FRAS1: variants seen among roughly 807,000 people sequenced by gnomAD.
FRAS1 encodes the protein Fraser extracellular matrix complex subunit 1, also known as extracellular matrix organizing protein FRAS1.
A neutral mutation model predicts 435.2 loss-of-function variants in FRAS1; 290 were observed. That is an observed-to-expected ratio of 0.67 (90% CI 0.61 to 0.73). The LOEUF (loss-of-function observed/expected upper bound fraction) is 0.73, where lower values mean the gene tolerates loss of function less well. Ranked by LOEUF, FRAS1 falls within the 30% of genes least tolerant of loss-of-function variation. The pLI is 0.00. For missense variants in FRAS1, 4,860 were observed against 5,001.5 expected, an observed-to-expected ratio of 0.97 and a Z score of 0.85; for synonymous variants, 1,800 against 1,851.0, an observed-to-expected ratio of 0.97 and a Z score of 0.71.
Position 78,118,956 on chromosome 4 carries a change from G to C in FRAS1, c.108+52940G>C, listed in dbSNP as rs183580847. On this transcript the variant is annotated intron_variant, in intron 2 of 73. Transcript: ENST00000512123. The stretch of plus-strand genomic sequence containing the variant: ...GGAGCTGTTCCTATTCAGCCATCTT[G>C]GCTCCACCACCTTATTTATTTTTTA... Among the ~76,000 whole-genome samples the C allele has an allele frequency of 2.6e-5, 4 of 152,210 alleles. No homozygotes were observed. In the East Asian group the frequency reaches 7.7e-4, roughly 29 times the overall value.
At chr4:78,183,732 T>TTGTG (rs3974339) in intron 2 of FRAS1, among the ~76,000 whole-genome samples, 12,730 of 136,836 alleles carry the variant, frequency 0.093, 637 homozygotes, top group African/African-American at 0.14. Context: ...TTCATTCTCT[T>TTGTG]TGTGTGTGTG....
intron 28 of FRAS1, among the ~76,000 whole-genome samples, chr4:78,385,172 A>G (rs904063576): frequency 1.3e-5 from 2 of 152,172 alleles, no homozygotes; most frequent in African/African-American, 2.4e-5. Context: ...TCCAGAATAC[A>G]TATAGTTGTA....
At chr4:78,188,716 AG>A (rs1722397029) in intron 2 of FRAS1, among the ~76,000 whole-genome samples, 1 of 152,206 alleles carries the variant, frequency 6.6e-6, no homozygotes, top group African/African-American at 2.4e-5. Context: ...CCATCACATA[AG>A]GGTTTTTGCA....
intron 2 of FRAS1, among the ~76,000 whole-genome samples, chr4:78,118,215 C>A (rs1051595976): frequency 6.6e-6 from 1 of 152,180 alleles, no homozygotes; most frequent in Non-Finnish European, 1.5e-5. Flanking sequence ...GAGTACCCGG[C>A]CATGTGAGGT....
rs1283565162 is a variant in FRAS1 at position 78,317,547 on chromosome 4, C to T, written c.1960+39C>T. 3.8e-6 allele frequency: 6 copies of T among 1,569,104 alleles called. No homozygotes were observed. The South Asian group carries it at 7.2e-5, about 19-fold the overall frequency. ...CACCATCATTCTTGAGAGGCTATCC[C>T]ACAAGAACATAGATTTACTTTTTTC... On this transcript the variant is annotated intron_variant, in intron 17 of 73. Transcript: ENST00000512123.
intron 6 of FRAS1, among the ~76,000 whole-genome samples, chr4:78,260,510 T>C (rs1050035827): frequency 9.2e-5 from 14 of 151,592 alleles, no homozygotes; most frequent in African/African-American, 3.4e-4. Context: ...TGTTTGTCTG[T>C]TGTTGGTGTA....
intron 2 of FRAS1, among the ~76,000 whole-genome samples, chr4:78,210,436 A>C (rs1157518069): frequency 3.3e-5 from 5 of 152,226 alleles, no homozygotes; most frequent in Non-Finnish European, 7.3e-5. Flanking sequence ...TATCACTTGG[A>C]GTCTCAGCAC....
intron 64 of FRAS1, 108 bp downstream of exon 64, chr4:78,511,614 G>T: frequency 1.1e-6 from 1 of 904,502 alleles, no homozygotes. Flanking sequence ...TGATAAAAAT[G>T]TGATGATGAA....
chr4:78,195,975 C>T (rs1457350024), intron 2 of FRAS1, among the ~76,000 whole-genome samples: 1 of 149,658 alleles, frequency 6.7e-6, no homozygotes, highest in Non-Finnish European at 1.5e-5. Context: ...TTTTTTTTAA[C>T]CTGAAGGCAG....
chr4:78,060,881 C>G (rs1739732922), intron 1 of FRAS1, among the ~76,000 whole-genome samples: 1 of 152,026 alleles, frequency 6.6e-6, no homozygotes, highest in Non-Finnish European at 1.5e-5. Flanking sequence ...CAGTCTTGCT[C>G]TATCACCCAG....
At chr4:78,155,847 G>C (rs1223564752) in intron 2 of FRAS1, among the ~76,000 whole-genome samples, 3 of 152,138 alleles carry the variant, frequency 2.0e-5, no homozygotes, top group Non-Finnish European at 4.4e-5. Context: ...GACTCGTACA[G>C]AGTTGGTGAG....
intron 1 of FRAS1, among the ~76,000 whole-genome samples, chr4:78,061,939 T>C (rs1320153985): frequency 2.0e-5 from 3 of 152,220 alleles, no homozygotes; most frequent in Non-Finnish European, 2.9e-5. Context: ...GTTGTAACTT[T>C]GCATCCTTTG....
At chr4:78,151,773 A>G (rs1017612985) in intron 2 of FRAS1, among the ~76,000 whole-genome samples, 33 of 152,186 alleles carry the variant, frequency 2.2e-4, no homozygotes, top group Non-Finnish European at 3.8e-4. Context: ...CATAATAGAG[A>G]ATGTCAAGAG....
At chr4:78,319,041 T>A in intron 18 of FRAS1, 55 bp downstream of exon 18, 1 of 1,557,496 alleles carries the variant, frequency 6.4e-7, no homozygotes, top group Non-Finnish European at 8.8e-7. Context: ...TCTTGAGAGA[T>A]CCTGTGAGGT....
chr4:78,464,489 T>A lies in FRAS1; in HGVS notation c.6935T>A (p.Leu2312Gln). Residue 2312 changes from leucine (L) to glutamine (Q), a missense_variant, in exon 49 of 74, where the codon CTG (leucine) becomes CAG (glutamine). By Grantham distance (113) the Leu-to-Gln change is moderately radical (BLOSUM62 -2). Transcript: ENST00000512123. ...HITLHPVDDS[L>Q]PVVQNLGMRV... The stretch of plus-strand genomic sequence containing the variant: ...ACTCTTCACCCTGTCGATGATTCGC[T>A]GCCCGTCGTACAGAACTTAGGAATG... The A allele has an allele frequency of 6.2e-7, 1 of 1,614,018 alleles. No individual in the cohort carries two copies. Among genetic ancestry groups the A allele is most frequent in the Non-Finnish European group, 8.5e-7 (1 of 1,179,868 alleles).
chr4:78,448,086 C>T lies in FRAS1; in HGVS notation c.6044C>T (p.Pro2015Leu), dbSNP rs752927481. 10 of 1,612,618 alleles carry T rather than the reference C, an allele frequency of 6.2e-6. No individual in the cohort carries two copies. In the African/African-American group the frequency reaches 1.3e-4, roughly 21 times the overall value. ...HVLWRQTASE[P>L]LENGRVLVQG... ...CTCTGGAGGCAAACTGCTTCTGAGC[C>T]TCTGGAGAATGGGAGAGTTTTAGTC... The change falls in exon 44 of 74, where the codon CCT (proline) becomes CTT (leucine). Residue 2015 changes from proline (P) to leucine (L), a missense_variant. By Grantham distance (98) the Pro-to-Leu change is moderately conservative. Transcript: ENST00000512123.
chr4:78,196,993 G>A (rs1200162209), intron 2 of FRAS1, among the ~76,000 whole-genome samples: 2 of 152,134 alleles, frequency 1.3e-5, no homozygotes, highest in Non-Finnish European at 2.9e-5. Flanking sequence ...GGGGAGATTG[G>A]GACAAAGTAG....
chr4:78,361,733 T>G (rs1731080038), intron 20 of FRAS1, among the ~76,000 whole-genome samples: 1 of 152,170 alleles, frequency 6.6e-6, no homozygotes, highest in Admixed American at 6.5e-5. Flanking sequence ...GAAATCACAA[T>G]CTCTACTACA....
intron 2 of FRAS1, among the ~76,000 whole-genome samples, chr4:78,229,729 G>A (rs1724440713): frequency 6.6e-6 from 1 of 151,982 alleles, no homozygotes; most frequent in Non-Finnish European, 1.5e-5. Context: ...AAAAAAGTCA[G>A]GGTTTGAATC....
Sources: allele counts gnomAD v4.1 joint callset (sites outside exome capture counted in the v4.1 genomes callset), GRCh38; gene constraint gnomAD v4.1.1; transcripts MANE v1.5; gene names NCBI Gene and HGNC (gene_info 2026-07-23, HGNC 2026-07-21).